The following TTLL11 variants were observed in gnomAD, a reference collection of about 807,000 sequenced individuals.
TTLL11 encodes the protein tubulin polyglutamylase TTLL11.
In TTLL11, 42 loss-of-function variants were observed where a neutral mutation model predicts 51.7. That is an observed-to-expected ratio of 0.81 (90% CI 0.64 to 1.05). The LOEUF is 1.05. Among genes scored for constraint, TTLL11 ranks in the 50% least tolerant of loss-of-function variants. The pLI, the probability that TTLL11 is intolerant of heterozygous loss-of-function variation, is 0.00. For missense variants in TTLL11, 799 were observed against 940.4 expected, an observed-to-expected ratio of 0.85 and a Z score of 1.97; for synonymous variants, 381 against 383.5, an observed-to-expected ratio of 0.99 and a Z score of 0.08.
chr9:122,077,838 A>T (rs1380312069), intron 1 of TTLL11, among the ~76,000 whole-genome samples: 1 of 151,770 alleles, frequency 6.6e-6, no homozygotes, highest in Non-Finnish European at 1.5e-5. Context: ...ACCTGCAAAA[A>T]AAAAAAAAAA....
chr9:121,878,790 C>T (rs1838665191), intron 6 of TTLL11, among the ~76,000 whole-genome samples: 1 of 152,358 alleles, frequency 6.6e-6, no homozygotes, highest in Non-Finnish European at 1.5e-5. Flanking sequence ...GAGCGCGTGT[C>T]TTCGCCATTG....
intron 6 of TTLL11, among the ~76,000 whole-genome samples, chr9:121,877,055 C>T (rs567316400): frequency 2.0e-5 from 3 of 152,316 alleles, no homozygotes; most frequent in African/African-American, 4.8e-5. Flanking sequence ...CCCTGGATCA[C>T]GTTCCCAGGC....
chr9:121,822,464 G>A lies in TTLL11; in HGVS notation c.*123C>T, dbSNP rs748432964. 362 of 943,474 alleles carry A rather than the reference G, an allele frequency of 3.8e-4. No homozygotes were observed. The highest frequency in any genetic ancestry group is 2.1e-4 in the Non-Finnish European group (136 of 663,398). The allele number at this position is 943,474 out of a possible 1,614,324, so 58.4% of individuals were successfully genotyped here. A position where few individuals can be genotyped will look rare whatever the true frequency, so the allele number is the denominator to read the frequency against. ...GCTCAGCCGCACACAGAGACAGTTC[G>A]TGGGGACCTCAGCTGGGCCCCTCGG... On this transcript the variant is annotated 3_prime_UTR_variant, in exon 9 of 9. Transcript: ENST00000321582. This position sits in a 1 kb window ranked among gnomAD's most constrained non-coding sequence, Gnocchi z 5.8.
At chr9:121,845,192 A>C (rs1837483011) in intron 8 of TTLL11, among the ~76,000 whole-genome samples, 1 of 152,174 alleles carries the variant, frequency 6.6e-6, no homozygotes, top group Non-Finnish European at 1.5e-5. Context: ...ATAATGCCTT[A>C]AGGACAAGAA....
chr9:121,855,344 ATTAT>A lies in TTLL11; in HGVS notation c.1840+4989_1840+4992del, dbSNP rs540161540. On this transcript the variant is annotated intron_variant, in intron 8 of 8. Transcript: ENST00000321582. Reference sequence around the variant, plus strand: ...ATCAAAAGCAAATTTATTTAAACGGATTATTTGAGTTTTAGATTTCATCATGTGC... The same window carrying A: ...ATCAAAAGCAAATTTATTTAAACGGATTGAGTTTTAGATTTCATCATGTGC... Among the ~76,000 whole-genome samples, 29 of 152,286 alleles carry A rather than the reference ATTAT, an allele frequency of 1.9e-4. No individual in the cohort carries two copies. In the East Asian group the frequency reaches 5.0e-3, roughly 26 times the overall value.
intron 6 of TTLL11, among the ~76,000 whole-genome samples, chr9:121,956,055 GA>G (rs1206542784): frequency 6.6e-6 from 1 of 151,598 alleles, no homozygotes. Flanking sequence ...TGCACTCCTA[GA>G]AGGACCTAAG....
chr9:122,007,475 CAAAAAA>C (rs59238464), intron 3 of TTLL11, among the ~76,000 whole-genome samples: 5 of 94,744 alleles, frequency 5.3e-5, no homozygotes, highest in Admixed American at 1.3e-4. Flanking sequence ...AATTCCATCT[CAAAAAA>C]AAAAAAAAAG....
At chr9:121,912,176 A>G (rs1840149801) in intron 6 of TTLL11, among the ~76,000 whole-genome samples, 1 of 152,198 alleles carries the variant, frequency 6.6e-6, no homozygotes, top group Non-Finnish European at 1.5e-5. Context: ...CCGCTCATCT[A>G]CTGTACTGCT....
At chr9:122,003,289 G>T (rs1202560108) in intron 3 of TTLL11, among the ~76,000 whole-genome samples, 1 of 151,952 alleles carries the variant, frequency 6.6e-6, no homozygotes, top group African/African-American at 2.4e-5. Flanking sequence ...ATGTACTTGG[G>T]GGACATCAAT....
At chr9:121,892,548 C>T (rs57502794) in intron 6 of TTLL11, among the ~76,000 whole-genome samples, 56,481 of 151,952 alleles carry the variant, frequency 0.37, 10,593 homozygotes, top group East Asian at 0.51. Flanking sequence ...TATCTCCCAC[C>T]GGGTCTCTCC....
chr9:121,949,484 C>T (rs1305000431), intron 6 of TTLL11, among the ~76,000 whole-genome samples: 3 of 152,202 alleles, frequency 2.0e-5, no homozygotes, highest in Non-Finnish European at 2.9e-5. Flanking sequence ...TAATAACTAA[C>T]ATTTTGTGTG....
intron 6 of TTLL11, among the ~76,000 whole-genome samples, chr9:121,882,194 C>T (rs1416748836): frequency 6.6e-6 from 1 of 152,164 alleles, no homozygotes; most frequent in African/African-American, 2.4e-5. Context: ...CAACTGGTAA[C>T]CAGGACCTGT....
intron 8 of TTLL11, among the ~76,000 whole-genome samples, chr9:121,836,617 T>C (rs1414304484): frequency 6.6e-6 from 1 of 152,218 alleles, no homozygotes; most frequent in Non-Finnish European, 1.5e-5. Context: ...GCAGTAACCA[T>C]GACCACTCAG....
chr9:121,926,787 C>A (rs568257780), intron 6 of TTLL11, among the ~76,000 whole-genome samples: 1 of 152,086 alleles, frequency 6.6e-6, no homozygotes, highest in African/African-American at 2.4e-5. Flanking sequence ...CACTGCTTGT[C>A]TTCACCCACT....
At chr9:121,991,075 C>A (rs1486284535) in intron 3 of TTLL11, among the ~76,000 whole-genome samples, 1 of 152,126 alleles carries the variant, frequency 6.6e-6, no homozygotes, top group African/African-American at 2.4e-5. Context: ...TGTGAAAGTT[C>A]CCCTCTGAAA....
chr9:122,023,345 T>TC (rs1382293736), intron 3 of TTLL11, among the ~76,000 whole-genome samples: 1 of 151,948 alleles, frequency 6.6e-6, no homozygotes. Flanking sequence ...TCACATGATT[T>TC]CCCTAGTGAA....
intron 3 of TTLL11, among the ~76,000 whole-genome samples, chr9:121,999,375 T>C (rs560907970): frequency 6.6e-6 from 1 of 152,238 alleles, no homozygotes; most frequent in East Asian, 1.9e-4. Context: ...CTAAGCTCAT[T>C]GTCTTTTCTC....
chr9:121,826,557 G>GTATATATATATATATATATATA (rs1171227988), intron 8 of TTLL11, among the ~76,000 whole-genome samples: 1 of 51,344 alleles, frequency 1.9e-5, no homozygotes. Flanking sequence ...ATATGTGTGT[G>GTATATATATATATATATATATA]TATATATATA....
chr9:121,931,583 TTAAAAAAAAAAAA>T, intron 6 of TTLL11, among the ~76,000 whole-genome samples: 1 of 103,844 alleles, frequency 9.6e-6, no homozygotes, highest in East Asian at 2.6e-4. Flanking sequence ...TTTCTACTAT[TTAAAAAAAAAAAA>T]AAAAAAAAAG....
Sources: gnomAD v4.1 joint callset for allele counts (sites outside exome capture counted in the v4.1 genomes callset) on GRCh38, gnomAD v4.1.1 for gene constraint, Gnocchi (gnomAD v3.1) non-coding constraint, MANE v1.5 for transcripts, NCBI Gene and HGNC (gene_info 2026-07-23, HGNC 2026-07-21) for gene names.